FCHSD2: variants seen among roughly 807,000 people sequenced by gnomAD.
FCHSD2 encodes FCH and double SH3 domains 2.
In FCHSD2, 38 loss-of-function variants were observed where a neutral mutation model predicts 108.1. The ratio of observed to expected loss-of-function variants is 0.35; its 90% CI spans 0.27 to 0.46. The LOEUF is 0.46. FCHSD2 is among the 20% of genes least tolerant of loss of function. The pLI, the probability that FCHSD2 is intolerant of heterozygous loss-of-function variation, is 1.00. For synonymous variants in FCHSD2, 279 were observed against 314.7 expected, an observed-to-expected ratio of 0.89 and a Z score of 1.20; for missense variants, 751 against 897.8, an observed-to-expected ratio of 0.84 and a Z score of 2.09.
At chr11:72,932,947 A>G (rs888123848) in intron 8 of FCHSD2, among the ~76,000 whole-genome samples, 1 of 152,230 alleles carries the variant, frequency 6.6e-6, no homozygotes, top group African/African-American at 2.4e-5. Context: ...GATGTTACAT[A>G]ACATTTATAA....
At chr11:73,002,965 T>C (rs1857656397) in intron 4 of FCHSD2, among the ~76,000 whole-genome samples, 1 of 152,090 alleles carries the variant, frequency 6.6e-6, no homozygotes, top group Non-Finnish European at 1.5e-5. Context: ...ACCTAGCAAA[T>C]AAAGAATGGT....
intron 3 of FCHSD2, among the ~76,000 whole-genome samples, chr11:73,044,524 C>T (rs1858711895): frequency 6.6e-6 from 1 of 152,154 alleles, no homozygotes; most frequent in African/African-American, 2.4e-5. Context: ...CTGCAGCGAG[C>T]TATGATCATG....
intron 8 of FCHSD2, among the ~76,000 whole-genome samples, chr11:72,970,559 T>C (rs561591740): frequency 1.3e-5 from 2 of 152,304 alleles, no homozygotes; most frequent in African/African-American, 4.8e-5. Context: ...TTAAAAACTA[T>C]TGCTAGCACT....
intron 4 of FCHSD2, among the ~76,000 whole-genome samples, chr11:73,011,167 G>T (rs1175642287): frequency 1.3e-5 from 2 of 152,154 alleles, no homozygotes; most frequent in African/African-American, 2.4e-5. Context: ...ATGGAGTAGG[G>T]ATATGAAGTC....
intron 13 of FCHSD2, among the ~76,000 whole-genome samples, chr11:72,856,987 G>T (rs796694381): frequency 1.2e-4 from 19 of 152,300 alleles, no homozygotes; most frequent in African/African-American, 4.6e-4. Flanking sequence ...TTATAAAAAT[G>T]TGGGTAGAAC....
intron 8 of FCHSD2, among the ~76,000 whole-genome samples, chr11:72,945,667 A>G (rs1228337023): frequency 6.6e-6 from 1 of 152,232 alleles, no homozygotes; most frequent in Non-Finnish European, 1.5e-5. Flanking sequence ...AAGGGCTAAT[A>G]TCTAGAATCT....
At chr11:73,139,591 T>C (rs1163966820) in intron 2 of FCHSD2, among the ~76,000 whole-genome samples, 2 of 152,144 alleles carry the variant, frequency 1.3e-5, no homozygotes, top group Non-Finnish European at 2.9e-5. Flanking sequence ...AAAAACAAAG[T>C]TGTATTTGTC....
At chr11:73,057,942 C>T (rs1463884656) in intron 3 of FCHSD2, among the ~76,000 whole-genome samples, 1 of 150,982 alleles carries the variant, frequency 6.6e-6, no homozygotes, top group Non-Finnish European at 1.5e-5. Flanking sequence ...TGCAGTGGCA[C>T]GATCTTGGCT....
At chr11:73,022,995 A>G (rs1224334165) in intron 3 of FCHSD2, among the ~76,000 whole-genome samples, 2 of 152,212 alleles carry the variant, frequency 1.3e-5, no homozygotes, top group Non-Finnish European at 2.9e-5. Context: ...ACCATAAACA[A>G]CAACAAAACA....
chr11:72,996,905 C>A (rs1857528383), intron 5 of FCHSD2, among the ~76,000 whole-genome samples: 1 of 152,110 alleles, frequency 6.6e-6, no homozygotes, highest in South Asian at 2.1e-4. Context: ...AATGTTTTTC[C>A]TTAGGGCATT....
chr11:72,999,173 T>TTTGCTATC (rs1483846698), intron 5 of FCHSD2, among the ~76,000 whole-genome samples: 1 of 152,188 alleles, frequency 6.6e-6, no homozygotes, highest in Non-Finnish European at 1.5e-5. Context: ...GTTTCTTTCA[T>TTTGCTATC]TTGCTATCTC....
chr11:73,050,140 T>C (rs920283131), intron 3 of FCHSD2, among the ~76,000 whole-genome samples: 5 of 152,172 alleles, frequency 3.3e-5, no homozygotes, highest in African/African-American at 4.8e-5. Context: ...TAATATACTA[T>C]TGTAGTGAGA....
intron 8 of FCHSD2, among the ~76,000 whole-genome samples, chr11:72,931,796 A>G (rs1240758168): frequency 6.6e-6 from 1 of 152,188 alleles, no homozygotes; most frequent in African/African-American, 2.4e-5. Context: ...TACATCTTGC[A>G]TAACAGTATC....
chr11:72,905,729 GT>G (rs911186467), intron 9 of FCHSD2, among the ~76,000 whole-genome samples: 1 of 152,072 alleles, frequency 6.6e-6, no homozygotes, highest in African/African-American at 2.4e-5. Flanking sequence ...TAGAATATTG[GT>G]TTCCAACTTC....
chr11:73,044,410 T>C (rs1489358505), intron 3 of FCHSD2, among the ~76,000 whole-genome samples: 1 of 152,014 alleles, frequency 6.6e-6, no homozygotes, highest in Non-Finnish European at 1.5e-5. Context: ...AGGCCCTCTA[T>C]CTCTACACAA....
At chr11:72,950,539 T>G (rs1856602600) in intron 8 of FCHSD2, among the ~76,000 whole-genome samples, 1 of 152,178 alleles carries the variant, frequency 6.6e-6, no homozygotes, top group African/African-American at 2.4e-5. Flanking sequence ...TCATTCTTCT[T>G]GCATGTGGAT....
At position 72,887,621 on chromosome 11, in the gene FCHSD2, A is replaced by G. The variant is rs535501981; in HGVS notation, c.1042-47T>C. On this transcript the variant is annotated intron_variant, in intron 11 of 19. Coordinates refer to ENST00000409418, the MANE Select transcript of FCHSD2 (RefSeq NM_014824.3). The stretch of plus-strand genomic sequence containing the variant: ...TAATGATGACTGTTTTTTACTTTTC[A>G]TCTTCCTTAAGTGATTAAAGTATTT... The G allele has an allele frequency of 3.3e-6, 4 of 1,210,298 alleles. No individual in the cohort carries two copies. In the Admixed American group the frequency reaches 7.7e-5, roughly 23 times the overall value. 75.0% of individuals were successfully genotyped at this position (1,210,298 alleles called of 1,614,324 possible). A position where few individuals can be genotyped will look rare whatever the true frequency, so the allele number is the denominator to read the frequency against.
At chr11:73,037,198 G>GC in intron 3 of FCHSD2, among the ~76,000 whole-genome samples, 2 of 152,132 alleles carry the variant, frequency 1.3e-5, no homozygotes, top group South Asian at 4.2e-4. Context: ...TGTATCACTT[G>GC]CCCCCACACA....
At chr11:73,047,392 A>G (rs1858794739) in intron 3 of FCHSD2, among the ~76,000 whole-genome samples, 1 of 152,192 alleles carries the variant, frequency 6.6e-6, no homozygotes, top group South Asian at 2.1e-4. Context: ...ATGATCCCCT[A>G]TAATACTCAA....
Sources: allele counts gnomAD v4.1 joint callset (sites outside exome capture counted in the v4.1 genomes callset), GRCh38; gene constraint gnomAD v4.1.1; transcripts MANE v1.5; gene names NCBI Gene and HGNC (gene_info 2026-07-23, HGNC 2026-07-21).